Variants in PCDH7 observed in about 807,000 individuals in gnomAD.
The protein encoded by PCDH7 is protocadherin 7, also known as protocadherin-7.
Under a neutral mutation model 58.9 loss-of-function variants are expected in PCDH7, and 17 were observed. The ratio of observed to expected loss-of-function variants is 0.29; its 90% CI spans 0.20 to 0.43. The LOEUF (loss-of-function observed/expected upper bound fraction) is 0.43. PCDH7 is among the 20% of genes least tolerant of loss of function. The pLI is 1.00. For synonymous variants in PCDH7, 664 were observed against 616.4 expected (o/e 1.08, Z -1.14); for missense variants, 1,274 against 1,441.0 (o/e 0.88, Z 1.88).
intron 3 of PCDH7, among the ~76,000 whole-genome samples, chr4:31,077,063 A>G (rs1032413341): frequency 6.6e-6 from 1 of 152,204 alleles, no homozygotes; most frequent in Non-Finnish European, 1.5e-5. Flanking sequence ...AAATGTTATC[A>G]TATATGCATA....
At chr4:30,858,021 T>G (rs561039153) in intron 1 of PCDH7, among the ~76,000 whole-genome samples, 27 of 152,302 alleles carry the variant, frequency 1.8e-4, no homozygotes, top group South Asian at 8.3e-4. Context: ...ACCAACCACT[T>G]AAACTCATAG....
chr4:31,026,756 A>G (rs1378476921), intron 3 of PCDH7, among the ~76,000 whole-genome samples: 7 of 132,390 alleles, frequency 5.3e-5, no homozygotes, highest in African/African-American at 1.8e-4. Context: ...CTTTGGGGGG[A>G]AAAAACCTGC....
chr4:30,840,831 G>A (rs1330772204), intron 1 of PCDH7, among the ~76,000 whole-genome samples: 3 of 151,528 alleles, frequency 2.0e-5, no homozygotes, highest in African/African-American at 4.8e-5. Flanking sequence ...CGTGGAATGT[G>A]TAAAGCCAAC....
At chr4:30,766,008 C>T (rs1408998957) in intron 1 of PCDH7, among the ~76,000 whole-genome samples, 1 of 151,746 alleles carries the variant, frequency 6.6e-6, no homozygotes, top group East Asian at 1.9e-4. Context: ...GAGAAGGGAA[C>T]CAAATGTGAC....
exon 2 of PCDH7, chr4:30,731,229 C>G (rs1284698936): frequency 2.6e-6 from 2 of 763,208 alleles, no homozygotes; most frequent in East Asian, 2.6e-4. Context: ...TTTTAAGTGC[C>G]ATGTAATCAC....
chr4:31,100,287 G>A (rs1056886131), intron 3 of PCDH7, among the ~76,000 whole-genome samples: 1 of 152,148 alleles, frequency 6.6e-6, no homozygotes, highest in Non-Finnish European at 1.5e-5. Context: ...GCTGAACCAG[G>A]TTTGGAGAAA....
At chr4:30,797,223 A>G (rs1724898656) in intron 1 of PCDH7, among the ~76,000 whole-genome samples, 1 of 151,936 alleles carries the variant, frequency 6.6e-6, no homozygotes, top group Admixed American at 6.6e-5. Flanking sequence ...GGCGTTAGCC[A>G]CCAGGCCCGA....
At chr4:30,875,022 T>A (rs1394464039) in intron 1 of PCDH7, among the ~76,000 whole-genome samples, 1 of 152,064 alleles carries the variant, frequency 6.6e-6, no homozygotes, top group Non-Finnish European at 1.5e-5. Flanking sequence ...CCTCACATCA[T>A]CGTATTTTCA....
In PCDH7 at chr4:30,820,542, T is replaced by G. The variant is rs572483088; in HGVS notation, c.70+95946T>G. Among the ~76,000 whole-genome samples the G allele has an allele frequency of 3.3e-5, 5 of 152,138 alleles. No individual in the cohort carries two copies. The East Asian group carries it at 7.7e-4, about 24-fold the overall frequency. Reference sequence around the variant, plus strand: ...ATTCAAATGGATTTAAAAATAGTAATGTATTATTCTGATGAGAAACTGAGC... The same window carrying G: ...ATTCAAATGGATTTAAAAATAGTAAGGTATTATTCTGATGAGAAACTGAGC... On this transcript the variant is annotated intron_variant, in intron 1 of 3. Coordinates refer to the PCDH7 transcript ENST00000509759.
intron 3 of PCDH7, among the ~76,000 whole-genome samples, chr4:31,120,416 TCGTTGTTTTTCTTTCTA>T (rs1717524193): frequency 6.8e-6 from 1 of 147,376 alleles, no homozygotes. Flanking sequence ...GTCTTGTCTT[TCGTTGTTTTTCTTTCTA>T]TTTTTTTCTT....
chr4:31,110,147 T>C (rs192150616), intron 3 of PCDH7, among the ~76,000 whole-genome samples: 7 of 152,358 alleles, frequency 4.6e-5, no homozygotes, highest in Admixed American at 1.3e-4. Context: ...GTAAATACTA[T>C]TTTTAGCCCA....
intron 3 of PCDH7, among the ~76,000 whole-genome samples, chr4:31,031,547 C>T (rs548617866): frequency 1.1e-4 from 17 of 152,162 alleles, no homozygotes; most frequent in African/African-American, 2.7e-4. Flanking sequence ...TGAATGGATG[C>T]GGACAGATGT....
At chr4:30,838,845 A>C (rs979622016) in intron 1 of PCDH7, among the ~76,000 whole-genome samples, 2 of 152,142 alleles carry the variant, frequency 1.3e-5, no homozygotes, top group African/African-American at 4.8e-5. Flanking sequence ...TCAGGGGCCA[A>C]CGTTTCTTAG....
chr4:31,053,200 C>T (rs931278804), intron 3 of PCDH7, among the ~76,000 whole-genome samples: 2 of 152,054 alleles, frequency 1.3e-5, no homozygotes, highest in Non-Finnish European at 1.5e-5. Context: ...GTTTTGCATA[C>T]CCATCACCAG....
intron 3 of PCDH7, among the ~76,000 whole-genome samples, chr4:31,095,338 G>T (rs1022206280): frequency 6.6e-6 from 1 of 152,030 alleles, no homozygotes; most frequent in African/African-American, 2.4e-5. Context: ...GGAACCAAAA[G>T]GAATGGGAAT....
At position 30,861,954 on chromosome 4, in the gene PCDH7, T is replaced by C. The variant is rs142819590; in HGVS notation, c.71-58199T>C. ...CAAATTATAAGCTAGGTATAAATTC[T>C]ATACATGGGAAAATATAATCCTACT... On this transcript the variant is annotated intron_variant, in intron 1 of 3. Coordinates refer to the PCDH7 transcript ENST00000509759. Among the ~76,000 whole-genome samples, 28 of 152,230 alleles carry C rather than the reference T, an allele frequency of 1.8e-4. No individual in the cohort carries two copies. The East Asian group carries it at 4.6e-3, about 25-fold the overall frequency.
chr4:30,909,045 T>G (rs1331017434), intron 1 of PCDH7, among the ~76,000 whole-genome samples: 1 of 152,146 alleles, frequency 6.6e-6, no homozygotes, highest in African/African-American at 2.4e-5. Context: ...TCAATAAACA[T>G]AGTCCATCAG....
chr4:30,730,803 T>C (rs2109237235), exon 2 of PCDH7: 1 of 1,608,044 alleles, frequency 6.2e-7, no homozygotes, highest in South Asian at 1.1e-5. Flanking sequence ...CACTCTAATA[T>C]GATGCTCCAT....
At chr4:31,091,992 T>G (rs1434150978) in intron 3 of PCDH7, among the ~76,000 whole-genome samples, 1 of 151,948 alleles carries the variant, frequency 6.6e-6, no homozygotes, top group Non-Finnish European at 1.5e-5. Flanking sequence ...TCTGAGTAAT[T>G]TCTTGTCTGA....
Sources: allele counts gnomAD v4.1 joint callset (sites outside exome capture counted in the v4.1 genomes callset), GRCh38; gene constraint gnomAD v4.1.1; transcripts MANE v1.5; gene names NCBI Gene and HGNC (gene_info 2026-07-23, HGNC 2026-07-21).